The following POF1B variants were observed in gnomAD, a reference collection of about 807,000 sequenced individuals.
POF1B encodes the protein protein POF1B.
Under a neutral mutation model 55.3 loss-of-function variants are expected in POF1B, and 53 were observed. That is an observed-to-expected ratio of 0.96 (90% CI 0.77 to 1.20). POF1B has a LOEUF of 1.20. Among genes scored for constraint, POF1B ranks in the 50% most tolerant of loss-of-function variants. The pLI is 0.00. For missense variants in POF1B, 478 were observed against 420.5 expected, an observed-to-expected ratio of 1.14 and a Z score of -1.20; for synonymous variants, 188 against 148.3, an observed-to-expected ratio of 1.27 and a Z score of -1.95.
intron 16 of POF1B, among the ~76,000 whole-genome samples, chrX:85,279,808 C>T (rs1472824329): frequency 5.4e-5 from 6 of 111,016 alleles, no homozygotes; most frequent in Admixed American, 1.9e-4. Flanking sequence ...TTGATTTTTA[C>T]TGCTGCACAT....
At chrX:85,327,365 C>T (rs760067224) in intron 7 of POF1B, among the ~76,000 whole-genome samples, 1 of 111,732 alleles carries the variant, frequency 8.9e-6, no homozygotes, top group Non-Finnish European at 1.9e-5. Context: ...GTGTTAACTC[C>T]TACCTCTACC....
At position 85,345,973 on chromosome X, in the gene POF1B, A is replaced by T. The variant is rs1332457884; in HGVS notation, c.610T>A (p.Trp204Arg). ...QQPQVIHSAH[W>R]QQPDSSQQIQ... is the part of the protein sequence containing the mutation. ...TGCTGGCTAGAATCAGGTTGTTGCC[A>T]GTGTGCAGAGTGGATGACCTGGGGC... Residue 204 changes from tryptophan to arginine, a missense_variant, in exon 6 of 17, where the codon TGG (tryptophan) becomes AGG (arginine). Coordinates refer to ENST00000262753, the MANE Select transcript of POF1B (RefSeq NM_024921.4). 2 of 1,204,230 alleles carry T rather than the reference A, an allele frequency of 1.7e-6. No individual in the cohort carries two copies. Among genetic ancestry groups the T allele is most frequent in the Non-Finnish European group, 2.2e-6 (2 of 892,171 alleles).
chrX:85,314,825 C>A lies in POF1B; in HGVS notation c.883-319G>T, dbSNP rs1207708656. Among the ~76,000 whole-genome samples, 3 of 111,976 alleles carry A rather than the reference C, an allele frequency of 2.7e-5. No homozygotes were observed. The East Asian group carries it at 8.4e-4, about 31-fold the overall frequency. ...AAATGGTCTATTAAATTCCTTTACA[C>A]ACTTTATTCATTGTATATTTTTTAA... On this transcript the variant is annotated intron_variant, in intron 8 of 16. Transcript: ENST00000262753.
intron 6 of POF1B, among the ~76,000 whole-genome samples, chrX:85,337,643 A>G (rs1933100283): frequency 8.9e-6 from 1 of 111,890 alleles, no homozygotes; most frequent in Non-Finnish European, 1.9e-5. Flanking sequence ...CAATAGTCAC[A>G]ATTCTAAAAT....
intron 2 of POF1B, among the ~76,000 whole-genome samples, chrX:85,371,262 G>C (rs1365821189): frequency 1.8e-5 from 2 of 111,720 alleles, no homozygotes; most frequent in African/African-American, 6.5e-5. Context: ...GAATATAAGA[G>C]ACCATTCCCA....
Position 85,324,428 on chromosome X carries a change from G to T in POF1B, c.854+6521C>A, listed in dbSNP as rs150912698. 1.6e-3 allele frequency among the ~76,000 whole-genome samples: 175 copies of T among 111,114 alleles called. 2 individuals carry two copies. Among genetic ancestry groups the T allele is most frequent in the East Asian group, 0.014 (51 of 3,524 alleles). On this transcript the variant is annotated intron_variant, in intron 7 of 16. Transcript: ENST00000262753. The stretch of plus-strand genomic sequence containing the variant: ...GTTGGGTGCATATGTATGTAGGATT[G>T]TTAGGTCTTGAATTGAGCCCTTTAC...
At chrX:85,365,297 C>T (rs1031883276) in intron 3 of POF1B, among the ~76,000 whole-genome samples, 1 of 111,968 alleles carries the variant, frequency 8.9e-6, no homozygotes, top group African/African-American at 3.2e-5. Flanking sequence ...TGTTGAAGAA[C>T]AAGTGTGATC....
chrX:85,379,577 C>T, intron 1 of POF1B, 62 bp downstream of exon 1: 1 of 727,067 alleles, frequency 1.4e-6, no homozygotes, highest in Non-Finnish European at 2.0e-6. Flanking sequence ...ACACGACACA[C>T]GTGTGGAAAC....
chrX:85,368,481 C>T (rs1037881472), intron 2 of POF1B, among the ~76,000 whole-genome samples: 1 of 110,968 alleles, frequency 9.0e-6, no homozygotes, highest in African/African-American at 3.3e-5. Context: ...TTTGAAAACT[C>T]AACTAAGAGT....
intron 7 of POF1B, among the ~76,000 whole-genome samples, chrX:85,327,159 G>GT (rs1932905812): frequency 1.8e-5 from 2 of 110,042 alleles, no homozygotes; most frequent in Admixed American, 1.9e-4. Context: ...CATGGGAGTT[G>GT]TGGAGTCTCC....
intron 9 of POF1B, 40 bp from the exon 10 acceptor site, chrX:85,308,256 T>G: frequency 1.0e-6 from 1 of 956,358 alleles, no homozygotes; most frequent in Non-Finnish European, 1.4e-6. Flanking sequence ...TTTATTAACA[T>G]TTGAAAATAG....
At chrX:85,311,968 G>A (rs894112349) in intron 9 of POF1B, among the ~76,000 whole-genome samples, 2 of 112,149 alleles carry the variant, frequency 1.8e-5, no homozygotes. Flanking sequence ...CTGCATTAAT[G>A]TCTTATTTTG....
rs1931826107 is a variant in POF1B, at chrX:85,278,517, G to T, written c.*904C>A. On this transcript the variant is annotated 3_prime_UTR_variant, in exon 17 of 17. Transcript: ENST00000262753. ...AACTTCTAAGTATACTAAATACTCT[G>T]CTACAAAATATTTCTCCCAAGTAGG... The T allele has an allele frequency of 9.0e-6, 1 of 111,252 alleles. No homozygotes were observed. The highest frequency in any genetic ancestry group is 3.2e-5 in the African/African-American group (1 of 30,770). The allele number at this position is 111,252 out of a possible 1,213,427, so 9.2% of individuals were successfully genotyped here.
At chrX:85,326,923 G>C (rs1478197356) in intron 7 of POF1B, among the ~76,000 whole-genome samples, 2 of 110,529 alleles carry the variant, frequency 1.8e-5, no homozygotes, top group East Asian at 2.9e-4. Context: ...CTGGGGCCGC[G>C]GGAGAAGGCA....
In POF1B at chrX:85,279,435, GAAA is replaced by G. The variant is rs373475107; in HGVS notation, c.1765-12_1765-10del. On this transcript the variant is annotated splice_polypyrimidine_tract_variant and intron_variant, in intron 16 of 16. Transcript: ENST00000262753. ...AGTGGATCCATTCATGGCTAGAAAA[GAAA>G]AAAAAAGGTTATCTTACAACTGGTT... 1.7e-6 allele frequency: 2 copies of G among 1,158,755 alleles called. No homozygotes were observed. Among genetic ancestry groups the G allele is most frequent in the Admixed American group, 4.8e-5 (2 of 41,912 alleles).
At chrX:85,373,261 A>G (rs1933864213) in intron 2 of POF1B, among the ~76,000 whole-genome samples, 1 of 111,773 alleles carries the variant, frequency 8.9e-6, no homozygotes, top group South Asian at 3.7e-4. Context: ...TGGTTTTTAA[A>G]CTCAGGGCAT....
intron 7 of POF1B, among the ~76,000 whole-genome samples, chrX:85,321,540 G>T (rs911534611): frequency 9.1e-6 from 1 of 109,405 alleles, no homozygotes; most frequent in Non-Finnish European, 1.9e-5. Context: ...CACAAGACAG[G>T]GATGCCCTCT....
At chrX:85,322,563 A>G (rs1385920477) in intron 7 of POF1B, among the ~76,000 whole-genome samples, 3 of 111,847 alleles carry the variant, frequency 2.7e-5, no homozygotes, top group Admixed American at 9.6e-5. Context: ...AACACCAAAA[A>G]CAATGGCAAC....
At chrX:85,295,431 C>A (rs1484635894) in intron 15 of POF1B, among the ~76,000 whole-genome samples, 2 of 111,353 alleles carry the variant, frequency 1.8e-5, no homozygotes, top group East Asian at 5.7e-4. Context: ...TCTCTATTTT[C>A]ATTAATTTCA....
Sources: allele counts gnomAD v4.1 joint callset (sites outside exome capture counted in the v4.1 genomes callset), GRCh38; gene constraint gnomAD v4.1.1; transcripts MANE v1.5; gene names NCBI Gene and HGNC (gene_info 2026-07-23, HGNC 2026-07-21).